The following TOP2B variants were observed in gnomAD, a reference collection of about 807,000 sequenced individuals.
The protein encoded by TOP2B is DNA topoisomerase II beta.
In TOP2B, 51 loss-of-function variants were observed where a neutral mutation model predicts 193.5. That is an observed-to-expected ratio of 0.26 (90% CI 0.21 to 0.33). The LOEUF is 0.33. Ranked by LOEUF, TOP2B falls within the 10% of genes least tolerant of loss-of-function variation. The pLI is 1.00. For synonymous variants in TOP2B, 634 were observed against 635.7 expected (o/e 1.00, Z 0.04); for missense variants, 1,378 against 1,909.3 (o/e 0.72, Z 5.19).
At chr3:25,610,356 G>C (rs1055858462) in intron 28 of TOP2B, among the ~76,000 whole-genome samples, 3 of 152,020 alleles carry the variant, frequency 2.0e-5, no homozygotes, top group African/African-American at 7.2e-5. Flanking sequence ...AACAAATATA[G>C]AGGCTGGTAC....
Position 25,635,844 on chromosome 3 carries a change from G to A in TOP2B, c.852+92C>T, listed in dbSNP as rs546790243. 1.4e-4 allele frequency: 141 copies of A among 1,017,324 alleles called. No homozygotes were observed. The African/African-American group carries it at 2.0e-3, about 15-fold the overall frequency. 63.0% of individuals were successfully genotyped at this position (1,017,324 alleles called of 1,614,324 possible). On this transcript the variant is annotated intron_variant, in intron 7 of 35. Coordinates refer to ENST00000264331, the MANE Select transcript of TOP2B (RefSeq NM_001330700.2). Reference sequence around the variant, plus strand: ...GAATCATCTGAACACACCAGTAAAAGAGACTACCAGATGAGCTTTAAAAAA... The same window carrying A: ...GAATCATCTGAACACACCAGTAAAAAAGACTACCAGATGAGCTTTAAAAAA...
At chr3:25,636,184 C>T (rs1559503269) in intron 6 of TOP2B, 36 bp from the exon 7 acceptor site, 2 of 1,299,726 alleles carry the variant, frequency 1.5e-6, no homozygotes, top group Non-Finnish European at 2.1e-6. Context: ...TTCTATAATG[C>T]TTCCATATCT....
chr3:25,642,287 C>T, intron 4 of TOP2B, 35 bp downstream of exon 4: 1 of 1,334,420 alleles, frequency 7.5e-7, no homozygotes, highest in Non-Finnish European at 1.0e-6. Context: ...CTGAATAAAA[C>T]TTAGCATAAA....
At chr3:25,652,291 C>T (rs1211043262) in intron 1 of TOP2B, among the ~76,000 whole-genome samples, 1 of 152,168 alleles carries the variant, frequency 6.6e-6, no homozygotes, top group African/African-American at 2.4e-5. Context: ...AATAAAGACA[C>T]AAAGAACTTG....
chr3:25,646,695 A>T (rs1037215203), intron 1 of TOP2B, among the ~76,000 whole-genome samples: 14 of 152,222 alleles, frequency 9.2e-5, no homozygotes, highest in African/African-American at 3.1e-4. Flanking sequence ...TAGGAGATAC[A>T]GAGATTTTGT....
chr3:25,623,067 C>T (rs1702702595), intron 21 of TOP2B, among the ~76,000 whole-genome samples: 1 of 152,162 alleles, frequency 6.6e-6, no homozygotes, highest in Admixed American at 6.5e-5. Context: ...TGTGAGCCAC[C>T]ACGCCCAGCC....
At chr3:25,598,899 C>T (rs1429033833) in intron 35 of TOP2B, among the ~76,000 whole-genome samples, 2 of 152,134 alleles carry the variant, frequency 1.3e-5, no homozygotes, top group African/African-American at 2.4e-5. Context: ...TGCAAAGCAT[C>T]ACCGAGGTGG....
intron 1 of TOP2B, among the ~76,000 whole-genome samples, chr3:25,660,997 G>GA (rs1703894363): frequency 7.2e-6 from 1 of 139,154 alleles, no homozygotes; most frequent in African/African-American, 2.9e-5. Flanking sequence ...GTCTTAGGTT[G>GA]ATTTTTTTTT....
At chr3:25,604,962 T>C in intron 32 of TOP2B, 92 bp from the exon 33 acceptor site, 1 of 818,470 alleles carries the variant, frequency 1.2e-6, no homozygotes, top group Non-Finnish European at 2.0e-6. Context: ...TCCCTTTAGC[T>C]AGACAATTGA....
At chr3:25,640,938 T>C (rs897029401) in intron 4 of TOP2B, among the ~76,000 whole-genome samples, 1 of 151,268 alleles carries the variant, frequency 6.6e-6, no homozygotes, top group Non-Finnish European at 1.5e-5. Context: ...TTTGGTGTTT[T>C]TGTTTGTTTG....
In TOP2B at chr3:25,644,885, C is replaced by G. The variant is rs184608579; in HGVS notation, c.240+415G>C. On this transcript the variant is annotated intron_variant, in intron 2 of 35. Coordinates refer to ENST00000264331, the MANE Select transcript of TOP2B (RefSeq NM_001330700.2). ...TCTCGGCTCACTGCAAGCTCCGCCT[C>G]CCAGGTTCACTGTCATTCTCCTGTC... is the stretch of plus-strand genomic sequence containing the variant. 6.1e-4 allele frequency among the ~76,000 whole-genome samples: 92 copies of G among 151,918 alleles called. 1 individual carries two copies. The highest frequency in any genetic ancestry group is 3.0e-3 in the Admixed American group (46 of 15,282).
chr3:25,640,885 T>G (rs1402546598), intron 4 of TOP2B, among the ~76,000 whole-genome samples: 3 of 151,360 alleles, frequency 2.0e-5, no homozygotes, highest in African/African-American at 7.3e-5. Context: ...GCCTCCTGAG[T>G]AGCTGGGACT....
At chr3:25,603,331 C>G (rs1429573725) in intron 33 of TOP2B, among the ~76,000 whole-genome samples, 1 of 152,122 alleles carries the variant, frequency 6.6e-6, no homozygotes, top group African/African-American at 2.4e-5. Flanking sequence ...CTCTGCCTCC[C>G]AAGTTCAAGC....
At chr3:25,612,071 T>C (rs56933471) in intron 28 of TOP2B, among the ~76,000 whole-genome samples, 1,624 of 152,026 alleles carry the variant, frequency 0.011, 26 homozygotes, top group African/African-American at 0.036. Context: ...GCCTCCCAAG[T>C]AGCTGTGATA....
chr3:25,632,846 A>G (rs773721290), intron 8 of TOP2B, 52 bp from the exon 9 acceptor site: 254 of 1,391,958 alleles, frequency 1.8e-4, no homozygotes, highest in Non-Finnish European at 2.5e-4. Context: ...TTAAAGTAGC[A>G]AAATACTTTA....
intron 20 of TOP2B, among the ~76,000 whole-genome samples, 163 bp downstream of exon 20, chr3:25,624,134 A>C (rs1702735511): frequency 6.6e-6 from 1 of 152,234 alleles, no homozygotes. Context: ...AATTAAGGTC[A>C]ACAGACTTCA....
At chr3:25,659,741 GA>G (rs1347847635) in intron 1 of TOP2B, among the ~76,000 whole-genome samples, 2 of 152,288 alleles carry the variant, frequency 1.3e-5, no homozygotes, top group Middle Eastern at 3.4e-3. Context: ...AAGGTTAGTA[GA>G]AAAAGACAGG....
intron 20 of TOP2B, 35 bp from the exon 21 acceptor site, chr3:25,623,781 T>C (rs1702724119): frequency 1.4e-6 from 2 of 1,433,660 alleles, no homozygotes; most frequent in South Asian, 1.2e-5. Context: ...TGAAAAAATG[T>C]CATGGCTTTG....
chr3:25,619,917 G>A lies in TOP2B; in HGVS notation c.3008C>T (p.Ala1003Val). ...TTTAAAAACTTTATGCAGTCCAGCAGCTTCTGCTTGTGCTAGTTTCTCTTC... is the reference window on the plus strand; with the variant it reads ...TTTAAAAACTTTATGCAGTCCAGCAACTTCTGCTTGTGCTAGTTTCTCTTC... Reference protein sequence around the residue: ...MTEEKLAQAEAAGLHKVFKLQ... With the variant: ...MTEEKLAQAEVAGLHKVFKLQ... Residue 1003 changes from alanine (A) to valine (V), a missense_variant, in exon 23 of 36, where the codon GCT becomes GTT. Physicochemically the swap from Ala to Val is moderately conservative, Grantham distance 64 (BLOSUM62 0). Coordinates refer to ENST00000264331, the MANE Select transcript of TOP2B (RefSeq NM_001330700.2). 6.2e-7 allele frequency: 1 copy of A among 1,613,238 alleles called. No homozygotes were observed. The highest frequency in any genetic ancestry group is 2.2e-5 in the East Asian group (1 of 44,806).
Sources: allele counts gnomAD v4.1 joint callset (sites outside exome capture counted in the v4.1 genomes callset), GRCh38; gene constraint gnomAD v4.1.1; transcripts MANE v1.5; gene names NCBI Gene and HGNC (gene_info 2026-07-23, HGNC 2026-07-21).